GRIK4: variants seen among roughly 807,000 people sequenced by gnomAD.
The protein encoded by GRIK4 is glutamate receptor ionotropic, kainate 4.
Under a neutral mutation model 104.9 loss-of-function variants are expected in GRIK4, and 40 were observed. The ratio of observed to expected loss-of-function variants is 0.38; its 90% confidence interval spans 0.30 to 0.50. The LOEUF (loss-of-function observed/expected upper bound fraction) is 0.50. Ranked by LOEUF, GRIK4 falls within the 20% of genes least tolerant of loss-of-function variation. The pLI is 0.93. For missense variants in GRIK4, 1,047 were observed against 1,308.1 expected (o/e 0.80, Z 3.08); for synonymous variants, 485 against 524.9 (o/e 0.92, Z 1.04).
intron 1 of GRIK4, among the ~76,000 whole-genome samples, chr11:120,559,720 T>G (rs972495087): frequency 6.6e-6 from 1 of 152,242 alleles, no homozygotes; most frequent in Non-Finnish European, 1.5e-5. Flanking sequence ...ACACACCAAG[T>G]GGCCCAAGAC....
chr11:120,709,126 T>C (rs980181114), intron 3 of GRIK4, among the ~76,000 whole-genome samples: 3 of 152,064 alleles, frequency 2.0e-5, no homozygotes, highest in Non-Finnish European at 4.4e-5. Context: ...CTATTTAAAA[T>C]CTTACCTGGA....
Position 120,719,724 on chromosome 11 carries a change from A to G in GRIK4, c.82+59324A>G, listed in dbSNP as rs898457418. On this transcript the variant is annotated intron_variant, in intron 3 of 20. Transcript: ENST00000527524. The stretch of plus-strand genomic sequence containing the variant: ...ATTTAATCTGAAATGAAATAGTTAC[A>G]TAAGCTTCTCTCCTGCCCAATATTC... Among the ~76,000 whole-genome samples the G allele has an allele frequency of 3.3e-5, 5 of 152,236 alleles. No individual in the cohort carries two copies. The South Asian group carries it at 6.2e-4, about 19-fold the overall frequency.
At chr11:120,730,661 G>C (rs1951112578) in intron 3 of GRIK4, among the ~76,000 whole-genome samples, 1 of 152,006 alleles carries the variant, frequency 6.6e-6, no homozygotes, top group South Asian at 2.1e-4. Context: ...GGGTAGTATG[G>C]ACATTTTAAA....
At position 120,905,899 on chromosome 11, in the gene GRIK4, C is replaced by T. The variant is rs1185965617; in HGVS notation, c.1476+406C>T. Among the ~76,000 whole-genome samples the T allele has an allele frequency of 6.6e-6, 1 of 152,232 alleles. No homozygotes were observed. Among genetic ancestry groups the T allele is most frequent in the Non-Finnish European group, 1.5e-5 (1 of 68,046 alleles). On this transcript the variant is annotated intron_variant, in intron 13 of 20. Coordinates refer to ENST00000527524, the MANE Select transcript of GRIK4 (RefSeq NM_014619.5). The surrounding 1 kb of genome is among the most constrained non-coding windows in gnomAD (Gnocchi z 5.1). Reference sequence around the variant, plus strand: ...TCAGCTGGCTTGGATCCTTGAGAGACACTGCCAAGGGAGACGTGGCTAAAT... The same window carrying T: ...TCAGCTGGCTTGGATCCTTGAGAGATACTGCCAAGGGAGACGTGGCTAAAT...
At chr11:120,612,988 A>G (rs1051839608) in intron 1 of GRIK4, among the ~76,000 whole-genome samples, 2 of 152,040 alleles carry the variant, frequency 1.3e-5, no homozygotes, top group Non-Finnish European at 2.9e-5. Context: ...CTAATCAGTG[A>G]CCCTCGTATT....
chr11:120,609,513 T>G (rs2135144710), intron 1 of GRIK4, among the ~76,000 whole-genome samples: 1 of 132,190 alleles, frequency 7.6e-6, no homozygotes, highest in Non-Finnish European at 1.6e-5. Flanking sequence ...ATCTTTGCAG[T>G]TGCTTTTTTT....
At chr11:120,726,446 T>A (rs1951028923) in intron 3 of GRIK4, among the ~76,000 whole-genome samples, 1 of 152,084 alleles carries the variant, frequency 6.6e-6, no homozygotes, top group Non-Finnish European at 1.5e-5. Context: ...GTAAAAGCAG[T>A]GTTGATGGTA....
intron 3 of GRIK4, among the ~76,000 whole-genome samples, chr11:120,785,221 C>G (rs1207079326): frequency 6.6e-6 from 1 of 152,216 alleles, no homozygotes; most frequent in Non-Finnish European, 1.5e-5. Context: ...CTGGATATCC[C>G]GGGCACTGAA....
intron 1 of GRIK4, among the ~76,000 whole-genome samples, chr11:120,530,641 C>G (rs1278288702): frequency 6.6e-6 from 1 of 152,236 alleles, no homozygotes; most frequent in Non-Finnish European, 1.5e-5. Context: ...ACGGAAGCCT[C>G]TGTCTTCGAC....
rs185132129 is a variant in GRIK4 at position 120,766,856 on chromosome 11, G to A, written c.83-35837G>A. Among the ~76,000 whole-genome samples the A allele has an allele frequency of 9.2e-5, 14 of 151,876 alleles. No individual in the cohort carries two copies. In the East Asian group the frequency reaches 9.7e-4, roughly 11 times the overall value. On this transcript the variant is annotated intron_variant, in intron 3 of 20. Transcript: ENST00000527524. ...AACACAGAAATAACCTGCCTTCTGC[G>A]TTGGTCTCGCTGGGAGCTGCAGACT...
intron 1 of GRIK4, among the ~76,000 whole-genome samples, chr11:120,639,096 G>T (rs1949436233): frequency 6.6e-6 from 1 of 152,076 alleles, no homozygotes; most frequent in African/African-American, 2.4e-5. Flanking sequence ...CTCAGGAGTG[G>T]AGGCAGGAGA....
At chr11:120,516,360 G>A (rs939396596) in intron 1 of GRIK4, among the ~76,000 whole-genome samples, 1 of 152,166 alleles carries the variant, frequency 6.6e-6, no homozygotes, top group South Asian at 2.1e-4. Flanking sequence ...GGCTGAGAAG[G>A]GGCTGTGCAG....
At chr11:120,852,548 A>C (rs1953997909) in intron 8 of GRIK4, among the ~76,000 whole-genome samples, 1 of 152,220 alleles carries the variant, frequency 6.6e-6, no homozygotes, top group Non-Finnish European at 1.5e-5. Flanking sequence ...GGGGTAAATG[A>C]ATAGGAAACA....
intron 11 of GRIK4, among the ~76,000 whole-genome samples, chr11:120,892,688 T>G (rs551791851): frequency 6.6e-6 from 1 of 152,120 alleles, no homozygotes; most frequent in Admixed American, 6.5e-5. Flanking sequence ...CCAGCTTGCT[T>G]ATATTGACCT....
intron 11 of GRIK4, among the ~76,000 whole-genome samples, chr11:120,878,629 T>G (rs28404620): frequency 8.0e-6 from 1 of 125,680 alleles, no homozygotes; most frequent in Non-Finnish European, 1.6e-5. Flanking sequence ...CCCCCTTTTT[T>G]CAACAAATCT....
At chr11:120,688,029 C>T (rs6589831) in intron 3 of GRIK4, among the ~76,000 whole-genome samples, 80,674 of 152,008 alleles carry the variant, frequency 0.53, 22,348 homozygotes, top group African/African-American at 0.69. Context: ...TCTCTAGTCC[C>T]AAGGCTGCCA....
rs1013439240 is a variant in GRIK4, at chr11:120,986,542, C to T, written c.*282C>T. The T allele has an allele frequency of 1.2e-4, 50 of 415,244 alleles. No individual in the cohort carries two copies. In the Middle Eastern group the frequency reaches 4.4e-3, roughly 37 times the overall value. 25.7% of individuals were successfully genotyped at this position (415,244 alleles called of 1,614,324 possible). A position where few individuals can be genotyped will look rare whatever the true frequency, so the allele number is the denominator to read the frequency against. On this transcript the variant is annotated 3_prime_UTR_variant, in exon 21 of 21. Transcript: ENST00000527524. ...CTTCTCCCAGTGGGTCTTTCCCTCT[C>T]GCCAAAATAACAAGAGTATAGGGTG...
intron 3 of GRIK4, among the ~76,000 whole-genome samples, chr11:120,685,698 C>T (rs1026523791): frequency 3.3e-5 from 5 of 152,166 alleles, no homozygotes; most frequent in African/African-American, 2.4e-5. Flanking sequence ...TTCCTCATCT[C>T]ATCCCCCTTC....
chr11:120,843,326 C>A (rs1953766471), intron 8 of GRIK4, among the ~76,000 whole-genome samples: 1 of 152,236 alleles, frequency 6.6e-6, no homozygotes, highest in Non-Finnish European at 1.5e-5. Context: ...AGGCAGTGGG[C>A]ACCCAGAGTT....
Sources: allele counts gnomAD v4.1 joint callset (sites outside exome capture counted in the v4.1 genomes callset), GRCh38; gene constraint gnomAD v4.1.1; non-coding constraint Gnocchi (gnomAD v3.1); transcripts MANE v1.5; gene names NCBI Gene and HGNC (gene_info 2026-07-23, HGNC 2026-07-21).